Variants in TAB2 observed in about 807,000 individuals in gnomAD.
The protein encoded by TAB2 is TGF-beta activated kinase 1 (MAP3K7) binding protein 2.
A neutral mutation model predicts 65.0 loss-of-function variants in TAB2; 3 were observed. That is an observed-to-expected ratio of 0.05 (90% CI 0.02 to 0.12). The LOEUF is 0.12. Among genes scored for constraint, TAB2 ranks in the 10% least tolerant of loss-of-function variants. The probability of loss-of-function intolerance (pLI) is 1.00; values close to 1 mark genes in which losing one functional copy is unlikely to be tolerated. For missense variants in TAB2, 623 were observed against 840.3 expected (o/e 0.74, Z 3.20); for synonymous variants, 298 against 285.1 (o/e 1.05, Z -0.46).
intron 1 of TAB2, among the ~76,000 whole-genome samples, chr6:149,283,668 C>T (rs1007514936): frequency 3.3e-5 from 5 of 152,042 alleles, no homozygotes; most frequent in Non-Finnish European, 5.9e-5. Context: ...CGAGATCACT[C>T]CATTGTACTC....
intron 3 of TAB2, among the ~76,000 whole-genome samples, chr6:149,394,879 G>A (rs71568274): frequency 6.6e-6 from 1 of 152,184 alleles, no homozygotes; most frequent in Non-Finnish European, 1.5e-5. Context: ...GGATTTTGTA[G>A]GCCACATAAT....
At chr6:149,379,712 T>A (rs919540736) in intron 3 of TAB2, among the ~76,000 whole-genome samples, 194 bp downstream of exon 3, 4 of 152,168 alleles carry the variant, frequency 2.6e-5, no homozygotes, top group African/African-American at 9.6e-5. Context: ...ATTATAAAAC[T>A]GGAAGTTTGA....
At chr6:149,324,789 A>G (rs184895923) in intron 1 of TAB2, among the ~76,000 whole-genome samples, 7 of 152,152 alleles carry the variant, frequency 4.6e-5, no homozygotes, top group Admixed American at 3.9e-4. Context: ...TAGGGGTAGA[A>G]GAGACTTTAC....
At chr6:149,308,375 T>A (rs547170953) in intron 1 of TAB2, among the ~76,000 whole-genome samples, 13 of 152,338 alleles carry the variant, frequency 8.5e-5, no homozygotes, top group South Asian at 2.1e-4. Flanking sequence ...TTGGCTTTTT[T>A]AAAAAATCTT....
At chr6:149,310,226 A>G (rs1337042922) in intron 1 of TAB2, among the ~76,000 whole-genome samples, 1 of 152,028 alleles carries the variant, frequency 6.6e-6, no homozygotes, top group Admixed American at 6.6e-5. Flanking sequence ...GGTCCCAGCT[A>G]CTCAGGAGGC....
intron 1 of TAB2, among the ~76,000 whole-genome samples, chr6:149,252,275 C>T (rs1777877741): frequency 6.6e-6 from 1 of 151,994 alleles, no homozygotes; most frequent in African/African-American, 2.4e-5. Context: ...CATAGTGGCA[C>T]ATGCCTGTAA....
intron 1 of TAB2, among the ~76,000 whole-genome samples, chr6:149,306,419 G>A (rs9485382): frequency 0.048 from 7,341 of 151,860 alleles, 568 homozygotes; most frequent in African/African-American, 0.16. Context: ...GTGTGGTGGC[G>A]GGCACCTGTA....
chr6:149,257,338 G>C (rs911629645), intron 1 of TAB2: 1 of 152,174 alleles, frequency 6.6e-6, no homozygotes. Flanking sequence ...TTGGGGAAAA[G>C]TTTCCTCTTC....
chr6:149,316,218 G>C (rs1779248015), upstream of TAB2, among the ~76,000 whole-genome samples: 1 of 152,144 alleles, frequency 6.6e-6, no homozygotes, highest in South Asian at 2.1e-4. Flanking sequence ...ATCACCAATG[G>C]AGAATAATTA....
intron 1 of TAB2, among the ~76,000 whole-genome samples, chr6:149,258,216 C>T (rs1326729518): frequency 1.3e-5 from 2 of 152,076 alleles, no homozygotes; most frequent in Non-Finnish European, 2.9e-5. Context: ...TAGTGGTGAG[C>T]CCATTAGTGT....
intron 3 of TAB2, among the ~76,000 whole-genome samples, chr6:149,394,071 G>T (rs1782086151): frequency 1.3e-5 from 2 of 151,740 alleles, no homozygotes; most frequent in South Asian, 2.1e-4. Flanking sequence ...TCTTTTGCCA[G>T]TTACACATAG....
chr6:149,323,638 A>G (rs1415299179), intron 1 of TAB2, among the ~76,000 whole-genome samples: 1 of 151,960 alleles, frequency 6.6e-6, no homozygotes. Flanking sequence ...GTACCAGTCA[A>G]CTCTTTCCTG....
chr6:149,385,386 C>G (rs1307843964), intron 3 of TAB2, among the ~76,000 whole-genome samples: 1 of 152,172 alleles, frequency 6.6e-6, no homozygotes, highest in Non-Finnish European at 1.5e-5. Flanking sequence ...TAAAAGCCTA[C>G]TGCAGTAGCA....
At chr6:149,255,174 G>C (rs1057369685) in intron 1 of TAB2, 13 of 152,214 alleles carry the variant, frequency 8.5e-5, no homozygotes, top group African/African-American at 3.1e-4. Flanking sequence ...GAGGTCATGA[G>C]GGCAGGACCC....
chr6:149,316,279 T>G (rs1583080931), upstream of TAB2, among the ~76,000 whole-genome samples: 1 of 152,226 alleles, frequency 6.6e-6, no homozygotes, highest in Non-Finnish European at 1.5e-5. Context: ...AGTGGCAAAG[T>G]ATTTGAATTG....
intron 1 of TAB2, among the ~76,000 whole-genome samples, chr6:149,303,305 C>T (rs1330567090): frequency 6.6e-6 from 1 of 152,200 alleles, no homozygotes; most frequent in South Asian, 2.1e-4. Context: ...TTTCCACTGT[C>T]CCATAGTCTG....
intron 1 of TAB2, among the ~76,000 whole-genome samples, chr6:149,249,149 C>CAT (rs1777803125): frequency 4.2e-5 from 4 of 95,806 alleles, no homozygotes; most frequent in African/African-American, 2.2e-4. Context: ...CACACACACA[C>CAT]ACATACACAC....
chr6:149,339,585 T>TTTTA (rs869044349), intron 1 of TAB2, among the ~76,000 whole-genome samples: 14 of 24,206 alleles, frequency 5.8e-4, no homozygotes, highest in African/African-American at 8.8e-4. Flanking sequence ...AATTAATCTT[T>TTTTA]TTTATTTATT....
intron 1 of TAB2, among the ~76,000 whole-genome samples, chr6:149,222,633 A>G (rs942725240): frequency 6.8e-6 from 1 of 146,942 alleles, no homozygotes; most frequent in Non-Finnish European, 1.5e-5. Flanking sequence ...AAAAAAAAAA[A>G]GAAACTTTTT....
Sources: allele counts gnomAD v4.1 joint callset (sites outside exome capture counted in the v4.1 genomes callset), GRCh38; gene constraint gnomAD v4.1.1; transcripts MANE v1.5; gene names NCBI Gene and HGNC (gene_info 2026-07-23, HGNC 2026-07-21).